Variants in C12orf56 observed in about 807,000 individuals in gnomAD.
C12orf56 encodes the protein chromosome 12 open reading frame 56, also known as uncharacterized protein C12orf56.
In C12orf56, 71 loss-of-function variants were observed where a neutral mutation model predicts 69.9. That is an observed-to-expected ratio of 1.02 (90% CI 0.84 to 1.24). The LOEUF (loss-of-function observed/expected upper bound fraction) is 1.24. Among genes scored for constraint, C12orf56 ranks in the 50% most tolerant of loss-of-function variants. The pLI, the probability that C12orf56 is intolerant of heterozygous loss-of-function variation, is 0.00. For missense variants in C12orf56, 732 were observed against 738.5 expected, an observed-to-expected ratio of 0.99 and a Z score of 0.10; for synonymous variants, 276 against 274.1, an observed-to-expected ratio of 1.01 and a Z score of -0.07.
intron 4 of C12orf56, 100 bp downstream of exon 4, chr12:64,318,475 A>G (rs1445410893): frequency 1.9e-6 from 2 of 1,065,928 alleles, no homozygotes; most frequent in Non-Finnish European, 2.6e-6. Context: ...TCCAAGGCTA[A>G]ATTTCCAAAA....
intron 2 of C12orf56, chr12:64,352,421 C>T (rs2039241450): frequency 6.6e-6 from 1 of 152,386 alleles, no homozygotes; most frequent in African/African-American, 2.4e-5. Context: ...ATTCTTCGTT[C>T]TTACCCTTAT....
At position 64,389,978 on chromosome 12, in the gene C12orf56, A is replaced by G. The variant is rs533603990; in HGVS notation, c.252+336T>C. ...TTTTTGCATCCTCCGAGTCTAGCAC[A>G]GTGCCTGGCACTGACTAGGTGCTTT... On this transcript the variant is annotated intron_variant, in intron 1 of 12. Transcript: ENST00000543942. Among the ~76,000 whole-genome samples the G allele has an allele frequency of 4.5e-4, 69 of 152,264 alleles. 1 individual carries two copies. The highest frequency in any genetic ancestry group is 1.6e-3 in the African/African-American group (67 of 41,550).
chr12:64,356,848 A>G (rs991839224), intron 1 of C12orf56, among the ~76,000 whole-genome samples: 1 of 152,156 alleles, frequency 6.6e-6, no homozygotes, highest in African/African-American at 2.4e-5. Flanking sequence ...GGAGTTCACT[A>G]TATCTAACAT....
intron 11 of C12orf56, among the ~76,000 whole-genome samples, chr12:64,271,030 G>A (rs2037982942): frequency 6.6e-6 from 1 of 152,152 alleles, no homozygotes; most frequent in Non-Finnish European, 1.5e-5. Context: ...GTCAGGCGTG[G>A]TGGTGCATGC....
intron 3 of C12orf56, among the ~76,000 whole-genome samples, chr12:64,330,258 T>C (rs748761910): frequency 2.6e-5 from 4 of 152,238 alleles, no homozygotes; most frequent in Non-Finnish European, 4.4e-5. Flanking sequence ...TGAAATGAAA[T>C]GTAAAGTCTT....
At chr12:64,309,096 C>T (rs985608799) in intron 5 of C12orf56, among the ~76,000 whole-genome samples, 1 of 152,148 alleles carries the variant, frequency 6.6e-6, no homozygotes, top group Admixed American at 6.6e-5. Context: ...CACATACAAA[C>T]ACACATATAT....
chr12:64,365,665 T>C (rs11175367), intron 1 of C12orf56, among the ~76,000 whole-genome samples: 19,061 of 146,270 alleles, frequency 0.13, 1,491 homozygotes, highest in East Asian at 0.36. Flanking sequence ...TTTGGGAGGC[T>C]CAGGTATATA....
chr12:64,308,863 A>AAC, intron 5 of C12orf56, among the ~76,000 whole-genome samples: 1 of 148,856 alleles, frequency 6.7e-6, no homozygotes, highest in Non-Finnish European at 1.5e-5. Context: ...GAAAGAAAGA[A>AAC]AGAAAAGAAA....
At chr12:64,386,455 G>A (rs1415201944) in intron 1 of C12orf56, among the ~76,000 whole-genome samples, 1 of 150,138 alleles carries the variant, frequency 6.7e-6, no homozygotes, top group Non-Finnish European at 1.5e-5. Context: ...GGAGTGCAAT[G>A]GCGCAATCTT....
At chr12:64,308,144 C>T (rs934638572) in intron 5 of C12orf56, among the ~76,000 whole-genome samples, 1 of 151,768 alleles carries the variant, frequency 6.6e-6, no homozygotes. Context: ...CATGGCAAAA[C>T]CCAGTCTCTA....
In C12orf56 at chr12:64,324,846, G is replaced by A. The variant is rs146170229; in HGVS notation, c.489-5866C>T. 2.5e-3 allele frequency among the ~76,000 whole-genome samples: 383 copies of A among 152,308 alleles called. 2 individuals are homozygous for A. Among genetic ancestry groups the A allele is most frequent in the Non-Finnish European group, 4.9e-3 (331 of 68,026 alleles). On this transcript the variant is annotated intron_variant, in intron 3 of 12. Transcript: ENST00000543942. ...GTGATAGTGGAGTTTTGGCAGTGGA[G>A]ATAGAAGTTGATGGGTGAGTTAGAG...
intron 3 of C12orf56, among the ~76,000 whole-genome samples, chr12:64,324,607 G>A (rs1014748837): frequency 7.2e-5 from 11 of 152,342 alleles, no homozygotes; most frequent in Admixed American, 1.3e-4. Context: ...AAGCTGGAGC[G>A]GTAGGCAACG....
chr12:64,380,705 A>T (rs2039708696), intron 1 of C12orf56, among the ~76,000 whole-genome samples: 1 of 152,164 alleles, frequency 6.6e-6, no homozygotes, highest in African/African-American at 2.4e-5. Context: ...AATATGACTT[A>T]CACAAAAGAA....
At chr12:64,328,346 C>T (rs1426062498) in intron 3 of C12orf56, among the ~76,000 whole-genome samples, 1 of 152,028 alleles carries the variant, frequency 6.6e-6, no homozygotes, top group Non-Finnish European at 1.5e-5. Flanking sequence ...TCCTACACTC[C>T]CCTCTTCCTT....
intron 3 of C12orf56, among the ~76,000 whole-genome samples, chr12:64,329,800 G>T (rs539168346): frequency 6.0e-5 from 9 of 150,356 alleles, no homozygotes; most frequent in African/African-American, 2.0e-4. Context: ...TCTTGTGATA[G>T]TTTACTGAGA....
At chr12:64,382,337 AC>A (rs2039731050) in intron 1 of C12orf56, among the ~76,000 whole-genome samples, 2 of 151,998 alleles carry the variant, frequency 1.3e-5, no homozygotes, top group Non-Finnish European at 2.9e-5. Flanking sequence ...ACTCAAAAAA[AC>A]AATTATTTTC....
intron 2 of C12orf56, among the ~76,000 whole-genome samples, chr12:64,337,269 T>C (rs2039009238): frequency 6.6e-6 from 1 of 152,176 alleles, no homozygotes; most frequent in Non-Finnish European, 1.5e-5. Context: ...AGATACCAAC[T>C]GGGAGTACTA....
intron 2 of C12orf56, among the ~76,000 whole-genome samples, chr12:64,338,974 A>C (rs1014297464): frequency 1.3e-5 from 2 of 152,172 alleles, no homozygotes; most frequent in Non-Finnish European, 2.9e-5. Flanking sequence ...TACTAAAATA[A>C]ATCTTGTCTT....
chr12:64,298,810 A>G (rs1425621587), intron 6 of C12orf56, among the ~76,000 whole-genome samples: 1 of 152,160 alleles, frequency 6.6e-6, no homozygotes, highest in Non-Finnish European at 1.5e-5. Context: ...GAAGTCAGGT[A>G]GTGTGATGCC....
Sources: allele counts gnomAD v4.1 joint callset (sites outside exome capture counted in the v4.1 genomes callset), GRCh38; gene constraint gnomAD v4.1.1; transcripts MANE v1.5; gene names NCBI Gene and HGNC (gene_info 2026-07-23, HGNC 2026-07-21).